Variants in CDK14 observed in about 807,000 individuals in gnomAD.
CDK14 encodes the protein cyclin-dependent kinase 14.
In CDK14, 34 loss-of-function variants were observed where a neutral mutation model predicts 60.7. The ratio of observed to expected loss-of-function variants is 0.56; its 90% CI spans 0.43 to 0.75. The LOEUF (loss-of-function observed/expected upper bound fraction) is 0.75, where lower values mean the gene tolerates loss of function less well. Among genes scored for constraint, CDK14 ranks in the 30% least tolerant of loss-of-function variants. The pLI is 0.00. For synonymous variants in CDK14, 197 were observed against 203.7 expected, an observed-to-expected ratio of 0.97 and a Z score of 0.28; for missense variants, 482 against 564.1, an observed-to-expected ratio of 0.85 and a Z score of 1.47.
intron 14 of CDK14, among the ~76,000 whole-genome samples, chr7:91,142,170 A>G (rs1179897738): frequency 1.3e-5 from 2 of 152,172 alleles, no homozygotes; most frequent in Non-Finnish European, 2.9e-5. Context: ...TTTTAAAACT[A>G]TGTAGATTTT....
chr7:90,746,882 T>C (rs1029265968), intron 3 of CDK14, among the ~76,000 whole-genome samples: 2 of 152,210 alleles, frequency 1.3e-5, no homozygotes, highest in Admixed American at 6.5e-5. Context: ...TAGTGATAGC[T>C]GAGTGATACA....
intron 14 of CDK14, among the ~76,000 whole-genome samples, chr7:91,148,392 A>C (rs1167693466): frequency 6.6e-6 from 1 of 152,182 alleles, no homozygotes; most frequent in Non-Finnish European, 1.5e-5. Context: ...GGAATTTGCA[A>C]ATAGATAATG....
intron 2 of CDK14, chr7:90,631,907 T>C (rs1389233450): frequency 6.6e-6 from 1 of 152,228 alleles, no homozygotes; most frequent in African/African-American, 2.4e-5. Context: ...ATGGCTGCCA[T>C]GTTGCAGCAG....
chr7:90,758,997 A>G (rs11764405), intron 4 of CDK14, among the ~76,000 whole-genome samples: 28,592 of 150,610 alleles, frequency 0.19, 2,831 homozygotes, highest in South Asian at 0.23. Flanking sequence ...CAGAGGTTGC[A>G]GTGAGTCGAG....
In CDK14 at chr7:90,936,940, G is replaced by A. The variant is rs114037547; in HGVS notation, c.827-18757G>A. On this transcript the variant is annotated intron_variant, in intron 8 of 14. Transcript: ENST00000380050. Reference sequence around the variant, plus strand: ...CAATTTTTTTTTTAATTAGATGGGCGTGGTGGTGCACACCTGTAGTCCTAG... The same window carrying A: ...CAATTTTTTTTTTAATTAGATGGGCATGGTGGTGCACACCTGTAGTCCTAG... 2.8e-3 allele frequency among the ~76,000 whole-genome samples: 419 copies of A among 152,050 alleles called. 4 individuals carry two copies. Among genetic ancestry groups the A allele is most frequent in the African/African-American group, 9.3e-3 (384 of 41,466 alleles).
rs1351777638 is a variant in CDK14 at position 90,882,228 on chromosome 7, A to G, written c.640-17063A>G. 2.8e-5 allele frequency among the ~76,000 whole-genome samples: 4 copies of G among 142,472 alleles called. No individual in the cohort carries two copies. In the East Asian group the frequency reaches 8.6e-4, roughly 31 times the overall value. 93.5% of individuals were successfully genotyped at this position (142,472 alleles called of 152,430 possible). On this transcript the variant is annotated intron_variant, in intron 6 of 14. Coordinates refer to ENST00000380050, the MANE Select transcript of CDK14 (RefSeq NM_001287135.2). The stretch of plus-strand genomic sequence containing the variant: ...AAAGACACACATAGACTCAAAATAA[A>G]GGGATGGAGGAAATTTACCAAGCAA...
chr7:90,732,403 T>C (rs944557635), intron 3 of CDK14, among the ~76,000 whole-genome samples: 1 of 152,254 alleles, frequency 6.6e-6, no homozygotes, highest in Admixed American at 6.5e-5. Context: ...TGGAATCGTT[T>C]CAGAAGGAAT....
intron 4 of CDK14, among the ~76,000 whole-genome samples, chr7:90,764,139 A>G (rs1040002156): frequency 3.9e-5 from 6 of 152,192 alleles, no homozygotes; most frequent in Non-Finnish European, 8.8e-5. Context: ...GTGCTGTTGA[A>G]TCTGTAATGC....
Position 90,720,614 on chromosome 7 carries a change from TAAAC to T in CDK14, c.124-5949_124-5946del, listed in dbSNP as rs1237207442. 5.9e-5 allele frequency among the ~76,000 whole-genome samples: 9 copies of T among 152,184 alleles called. No homozygotes were observed. In the East Asian group the frequency reaches 1.7e-3, roughly 29 times the overall value. ...TATTTTGACATATTCTAGATACTTT[TAAAC>T]AAAGAAGACATATGTAAATGTAATG... is the stretch of plus-strand genomic sequence containing the variant. On this transcript the variant is annotated intron_variant, in intron 2 of 14. Coordinates refer to ENST00000380050, the MANE Select transcript of CDK14 (RefSeq NM_001287135.2).
At chr7:90,828,235 C>T (rs929845010) in intron 5 of CDK14, among the ~76,000 whole-genome samples, 8 of 152,096 alleles carry the variant, frequency 5.3e-5, no homozygotes, top group South Asian at 2.1e-4. Flanking sequence ...TGTTATATAA[C>T]GTGGTTTAGG....
chr7:90,773,187 G>T (rs1011191096), intron 4 of CDK14, among the ~76,000 whole-genome samples: 2 of 152,176 alleles, frequency 1.3e-5, no homozygotes, highest in Non-Finnish European at 2.9e-5. Context: ...TATAAGCAGA[G>T]TACTTTTGAT....
At chr7:91,100,429 A>C (rs1562904430) in intron 12 of CDK14, among the ~76,000 whole-genome samples, 1 of 152,228 alleles carries the variant, frequency 6.6e-6, no homozygotes, top group Non-Finnish European at 1.5e-5. Flanking sequence ...TAGAGCGGAA[A>C]CATGATCTAC....
intron 12 of CDK14, among the ~76,000 whole-genome samples, chr7:91,086,952 T>G (rs1379387324): frequency 5.3e-5 from 8 of 152,190 alleles, no homozygotes; most frequent in African/African-American, 1.9e-4. Flanking sequence ...GTTTTGTTTT[T>G]TTGCAGCTTT....
chr7:90,730,011 C>G (rs1802797367), intron 3 of CDK14, among the ~76,000 whole-genome samples: 1 of 152,072 alleles, frequency 6.6e-6, no homozygotes, highest in Non-Finnish European at 1.5e-5. Flanking sequence ...TCTCCTAATG[C>G]TATCCCTCCC....
At chr7:90,747,220 T>C (rs944805803) in intron 3 of CDK14, among the ~76,000 whole-genome samples, 6 of 152,334 alleles carry the variant, frequency 3.9e-5, no homozygotes, top group Admixed American at 2.0e-4. Context: ...TCTAAACTTA[T>C]GGGATATACA....
intron 2 of CDK14, among the ~76,000 whole-genome samples, chr7:90,666,921 A>G (rs1004214891): frequency 2.6e-5 from 4 of 152,236 alleles, no homozygotes; most frequent in African/African-American, 7.2e-5. Flanking sequence ...AACACATGCA[A>G]ATGTAGAGAG....
At chr7:90,811,620 A>T (rs1160334770) in intron 5 of CDK14, among the ~76,000 whole-genome samples, 2 of 151,088 alleles carry the variant, frequency 1.3e-5, no homozygotes, top group African/African-American at 2.5e-5. Context: ...GACAAATGGG[A>T]TCTAATTAAA....
intron 5 of CDK14, among the ~76,000 whole-genome samples, chr7:90,839,386 C>G (rs1159513091): frequency 6.6e-6 from 1 of 152,144 alleles, no homozygotes; most frequent in African/African-American, 2.4e-5. Flanking sequence ...TCAAGTAAGT[C>G]ATTAGCCATA....
chr7:91,146,698 C>T (rs1183090405), intron 14 of CDK14, among the ~76,000 whole-genome samples: 1 of 152,146 alleles, frequency 6.6e-6, no homozygotes, highest in African/African-American at 2.4e-5. Flanking sequence ...CAAAGACATA[C>T]AAATGTACAT....
Sources: gnomAD v4.1 joint callset for allele counts (sites outside exome capture counted in the v4.1 genomes callset) on GRCh38, gnomAD v4.1.1 for gene constraint, MANE v1.5 for transcripts, NCBI Gene and HGNC (gene_info 2026-07-23, HGNC 2026-07-21) for gene names.